Variants in LRRC4C observed in about 807,000 individuals in gnomAD.
The protein encoded by LRRC4C is leucine rich repeat containing 4C.
LRRC4C carries 5 observed loss-of-function variants against 33.6 expected under a neutral mutation model. That is an observed-to-expected ratio of 0.15 (90% CI 0.08 to 0.31). The LOEUF is 0.31. Ranked by LOEUF, LRRC4C falls within the 10% of genes least tolerant of loss-of-function variation. The probability of loss-of-function intolerance (pLI) is 1.00; values close to 1 mark genes in which losing one functional copy is unlikely to be tolerated. For synonymous variants in LRRC4C, 329 were observed against 302.0 expected (o/e 1.09, Z -0.93); for missense variants, 560 against 796.7 (o/e 0.70, Z 3.58).
At chr11:40,654,416 G>A (rs761767353) in intron 2 of LRRC4C, among the ~76,000 whole-genome samples, 1 of 152,204 alleles carries the variant, frequency 6.6e-6, no homozygotes, top group Non-Finnish European at 1.5e-5. Context: ...TGCCCTGAAT[G>A]TGAGAAATTG....
intron 2 of LRRC4C, among the ~76,000 whole-genome samples, chr11:40,722,444 T>A (rs751613002): frequency 9.9e-5 from 15 of 152,152 alleles, no homozygotes; most frequent in Non-Finnish European, 1.8e-4. Flanking sequence ...CTTCAAAATG[T>A]AATGCTGTGA....
intron 1 of LRRC4C, among the ~76,000 whole-genome samples, chr11:40,934,866 G>A (rs1411827091): frequency 6.6e-6 from 1 of 152,044 alleles, no homozygotes; most frequent in Non-Finnish European, 1.5e-5. Flanking sequence ...TTTATATTTA[G>A]AATATCCCAA....
chr11:40,417,504 T>A (rs1489634517), intron 3 of LRRC4C, among the ~76,000 whole-genome samples: 1 of 151,762 alleles, frequency 6.6e-6, no homozygotes, highest in Non-Finnish European at 1.5e-5. Context: ...GCTAATTTTT[T>A]ATTTTTTTTT....
rs576182495 is a variant in LRRC4C, at chr11:41,160,930, T to A, written c.-495-227207A>T. ...AGAAAGAATCAACACAATCCACTAATTGAGATAAAAGAATTACAAGCATAT... is the reference window on the plus strand; with the variant it reads ...AGAAAGAATCAACACAATCCACTAAATGAGATAAAAGAATTACAAGCATAT... On this transcript the variant is annotated intron_variant, in intron 1 of 6. Transcript: ENST00000528697. Among the ~76,000 whole-genome samples, 26 of 152,262 alleles carry A rather than the reference T, an allele frequency of 1.7e-4. No homozygotes were observed. In the South Asian group the frequency reaches 5.4e-3, roughly 32 times the overall value.
At chr11:40,717,179 T>C (rs911231063) in intron 2 of LRRC4C, among the ~76,000 whole-genome samples, 8 of 152,180 alleles carry the variant, frequency 5.3e-5, no homozygotes, top group African/African-American at 1.9e-4. Flanking sequence ...ATTCCGTTTA[T>C]TTGTCTTTCT....
chr11:40,369,983 A>T lies in LRRC4C; in HGVS notation c.-269-50262T>A, dbSNP rs535764517. Among the ~76,000 whole-genome samples, 3 of 152,096 alleles carry T rather than the reference A, an allele frequency of 2.0e-5. No homozygotes were observed. The South Asian group carries it at 6.2e-4, about 32-fold the overall frequency. ...TGAATATATCGATCAGGTTATTTCC[A>T]TTTTTTTTGGTAGAGAGAAGAAGAA... On this transcript the variant is annotated intron_variant, in intron 3 of 6. Transcript: ENST00000528697.
intron 1 of LRRC4C, among the ~76,000 whole-genome samples, chr11:41,175,942 T>A (rs1278062565): frequency 6.6e-6 from 1 of 152,204 alleles, no homozygotes; most frequent in Admixed American, 6.5e-5. Context: ...AGTTTCAGTA[T>A]AAGAAGCATT....
chr11:40,209,140 G>A (rs1304859189), intron 5 of LRRC4C, among the ~76,000 whole-genome samples: 6 of 152,160 alleles, frequency 3.9e-5, no homozygotes, highest in African/African-American at 1.4e-4. Context: ...CACTAGTGAA[G>A]AGCTTGTGGT....
At chr11:40,882,824 T>C (rs1283335735) in intron 2 of LRRC4C, among the ~76,000 whole-genome samples, 1 of 152,174 alleles carries the variant, frequency 6.6e-6, no homozygotes, top group Non-Finnish European at 1.5e-5. Flanking sequence ...TCAGGGCTAC[T>C]GCTTTTTATT....
At chr11:40,416,242 C>T (rs1342432511) in intron 3 of LRRC4C, among the ~76,000 whole-genome samples, 1 of 152,074 alleles carries the variant, frequency 6.6e-6, no homozygotes, top group African/African-American at 2.4e-5. Context: ...CTGGCCCTAG[C>T]TGTAAGAATG....
chr11:40,929,677 C>T (rs1222186554), intron 2 of LRRC4C, among the ~76,000 whole-genome samples: 1 of 151,966 alleles, frequency 6.6e-6, no homozygotes, highest in Admixed American at 6.6e-5. Flanking sequence ...TGCAGTGGCG[C>T]GATCTCGGCT....
At chr11:40,183,886 G>A (rs1247128994) in intron 5 of LRRC4C, among the ~76,000 whole-genome samples, 1 of 152,204 alleles carries the variant, frequency 6.6e-6, no homozygotes, top group African/African-American at 2.4e-5. Context: ...GAGGATATTA[G>A]CAGTACAAGT....
chr11:41,208,937 T>G (rs1443619043), intron 1 of LRRC4C, among the ~76,000 whole-genome samples: 1 of 151,954 alleles, frequency 6.6e-6, no homozygotes, highest in East Asian at 1.9e-4. Context: ...GCTGAGAAGG[T>G]GGGGCTGCTG....
intron 1 of LRRC4C, among the ~76,000 whole-genome samples, chr11:41,224,885 T>TC (rs1238302939): frequency 2.0e-5 from 3 of 152,142 alleles, no homozygotes; most frequent in African/African-American, 7.2e-5. Flanking sequence ...TAAGTGTCCA[T>TC]CAACAGATGA....
At chr11:41,140,898 G>A (rs1943473595) in intron 1 of LRRC4C, among the ~76,000 whole-genome samples, 1 of 152,096 alleles carries the variant, frequency 6.6e-6, no homozygotes. Context: ...TAAATAAGCA[G>A]GAAGATGGAC....
At chr11:40,709,593 T>A (rs1946357824) in intron 2 of LRRC4C, among the ~76,000 whole-genome samples, 1 of 152,208 alleles carries the variant, frequency 6.6e-6, no homozygotes, top group Non-Finnish European at 1.5e-5. Flanking sequence ...CTGATGGGCT[T>A]CCTTTTGTGG....
chr11:41,186,888 T>A (rs2136188650), intron 1 of LRRC4C, among the ~76,000 whole-genome samples: 1 of 152,332 alleles, frequency 6.6e-6, no homozygotes, highest in East Asian at 1.9e-4. Flanking sequence ...CAATCTCTTT[T>A]AAAATTCACA....
At chr11:41,099,915 A>G (rs1056569977) in intron 1 of LRRC4C, among the ~76,000 whole-genome samples, 5 of 152,168 alleles carry the variant, frequency 3.3e-5, no homozygotes, top group Non-Finnish European at 7.3e-5. Context: ...TTTGTAGATG[A>G]CATAATTCTG....
At chr11:40,993,659 T>A (rs1464421273) in intron 1 of LRRC4C, among the ~76,000 whole-genome samples, 1 of 152,168 alleles carries the variant, frequency 6.6e-6, no homozygotes, top group Admixed American at 6.6e-5. Context: ...CCCATCTTTT[T>A]TTTTCCTTTT....
Sources: allele counts gnomAD v4.1 joint callset (sites outside exome capture counted in the v4.1 genomes callset), GRCh38; gene constraint gnomAD v4.1.1; transcripts MANE v1.5; gene names NCBI Gene and HGNC (gene_info 2026-07-23, HGNC 2026-07-21).